Variants in CNTN5 observed in about 807,000 individuals in gnomAD.
CNTN5 encodes the protein contactin 5.
Under a neutral mutation model 129.1 loss-of-function variants are expected in CNTN5, and 77 were observed. The ratio of observed to expected loss-of-function variants is 0.60; its 90% CI spans 0.50 to 0.72. CNTN5 has a LOEUF of 0.72. Ranked by LOEUF, CNTN5 falls within the 30% of genes least tolerant of loss-of-function variation. The pLI, the probability that CNTN5 is intolerant of heterozygous loss-of-function variation, is 0.00. For missense variants in CNTN5, 1,478 were observed against 1,328.8 expected (o/e 1.11, Z -1.75); for synonymous variants, 509 against 465.6 (o/e 1.09, Z -1.20).
At chr11:100,223,127 AG>A (rs1949299808) in intron 15 of CNTN5, among the ~76,000 whole-genome samples, 1 of 152,186 alleles carries the variant, frequency 6.6e-6, no homozygotes, top group Non-Finnish European at 1.5e-5. Flanking sequence ...AGAAATTAGC[AG>A]TGTAGGACAT....
chr11:100,048,728 CGT>C (rs1942812208), intron 9 of CNTN5, among the ~76,000 whole-genome samples: 1 of 151,400 alleles, frequency 6.6e-6, no homozygotes, highest in Admixed American at 6.6e-5. Flanking sequence ...AGCTACATAA[CGT>C]ATATCAAGGT....
At chr11:99,660,718 T>C (rs951771024) in intron 3 of CNTN5, among the ~76,000 whole-genome samples, 2 of 152,126 alleles carry the variant, frequency 1.3e-5, no homozygotes, top group African/African-American at 4.8e-5. Flanking sequence ...ATTGTTCCAA[T>C]GTAACATATT....
At chr11:99,494,782 G>A (rs1946163777) in intron 2 of CNTN5, among the ~76,000 whole-genome samples, 1 of 152,118 alleles carries the variant, frequency 6.6e-6, no homozygotes, top group Non-Finnish European at 1.5e-5. Flanking sequence ...TGATTTTCCA[G>A]TGCTGTATAA....
chr11:99,525,039 G>A (rs1035916743), intron 2 of CNTN5, among the ~76,000 whole-genome samples: 10 of 151,988 alleles, frequency 6.6e-5, no homozygotes, highest in African/African-American at 1.9e-4. Flanking sequence ...AGAACTATTA[G>A]TTATGCCTCA....
intron 1 of CNTN5, among the ~76,000 whole-genome samples, chr11:99,223,191 C>A (rs1444623117): frequency 6.6e-6 from 1 of 152,148 alleles, no homozygotes; most frequent in Non-Finnish European, 1.5e-5. Context: ...CTATTCTGTT[C>A]TATCCTGTCC....
At chr11:100,130,990 A>T (rs1195618271) in intron 13 of CNTN5, among the ~76,000 whole-genome samples, 1 of 152,164 alleles carries the variant, frequency 6.6e-6, no homozygotes, top group Non-Finnish European at 1.5e-5. Flanking sequence ...GTTATGTAAC[A>T]TTGGTATCAA....
intron 2 of CNTN5, among the ~76,000 whole-genome samples, chr11:99,355,720 T>C (rs1270172492): frequency 3.3e-5 from 5 of 152,150 alleles, no homozygotes; most frequent in African/African-American, 7.2e-5. Flanking sequence ...AAGTCTCCTA[T>C]GTTATGGGTG....
intron 18 of CNTN5, among the ~76,000 whole-genome samples, chr11:100,293,018 A>G (rs2138868857): frequency 6.6e-6 from 1 of 152,034 alleles, no homozygotes; most frequent in Middle Eastern, 3.4e-3. Flanking sequence ...AAAATTATGG[A>G]AGAGACACAA....
intron 20 of CNTN5, among the ~76,000 whole-genome samples, chr11:100,303,502 A>G (rs1429883147): frequency 4.6e-5 from 7 of 151,640 alleles, no homozygotes; most frequent in Admixed American, 1.3e-4. Flanking sequence ...TAAACCTAAT[A>G]GAAAAACAGA....
chr11:99,422,404 C>T (rs1021556981), intron 2 of CNTN5, among the ~76,000 whole-genome samples: 2 of 150,644 alleles, frequency 1.3e-5, no homozygotes, highest in African/African-American at 2.4e-5. Context: ...TCAGGGGAAT[C>T]GTTTAGGTAC....
At chr11:99,784,211 G>C (rs982881733) in intron 3 of CNTN5, among the ~76,000 whole-genome samples, 7 of 151,920 alleles carry the variant, frequency 4.6e-5, no homozygotes, top group Admixed American at 1.3e-4. Context: ...TTGTTACTTA[G>C]GTATACATGT....
At chr11:99,150,106 CTT>C (rs1321710486) in intron 1 of CNTN5, among the ~76,000 whole-genome samples, 1 of 151,960 alleles carries the variant, frequency 6.6e-6, no homozygotes, top group Non-Finnish European at 1.5e-5. Flanking sequence ...TTATTAAAAA[CTT>C]TGTTTGAAAT....
chr11:99,148,880 A>C (rs1859913163), intron 1 of CNTN5, among the ~76,000 whole-genome samples: 1 of 152,098 alleles, frequency 6.6e-6, no homozygotes, highest in Non-Finnish European at 1.5e-5. Flanking sequence ...TTTAATATAA[A>C]ATTATGTTTT....
At chr11:99,418,858 C>T (rs190291490) in intron 2 of CNTN5, among the ~76,000 whole-genome samples, 38 of 152,260 alleles carry the variant, frequency 2.5e-4, no homozygotes, top group African/African-American at 7.7e-4. Context: ...TTATGTCATA[C>T]AAGCCTTTTA....
chr11:99,343,898 T>G (rs1404455865), intron 2 of CNTN5, among the ~76,000 whole-genome samples: 1 of 152,090 alleles, frequency 6.6e-6, no homozygotes, highest in African/African-American at 2.4e-5. Context: ...AAAAAAAAAT[T>G]TACAGACGCT....
chr11:99,823,358 T>G (rs1946858013), intron 4 of CNTN5, among the ~76,000 whole-genome samples: 1 of 152,208 alleles, frequency 6.6e-6, no homozygotes, highest in South Asian at 2.1e-4. Context: ...CTCAACAGGT[T>G]GGTATTCTTT....
At chr11:99,457,494 A>T (rs1944538758) in intron 2 of CNTN5, among the ~76,000 whole-genome samples, 1 of 151,906 alleles carries the variant, frequency 6.6e-6, no homozygotes, top group Non-Finnish European at 1.5e-5. Context: ...CAGTACTTGG[A>T]GAGAAAAACA....
intron 1 of CNTN5, among the ~76,000 whole-genome samples, chr11:99,097,082 C>T (rs370913294): frequency 4.5e-4 from 67 of 149,818 alleles, no homozygotes; most frequent in African/African-American, 1.6e-3. Flanking sequence ...AAACATTATT[C>T]AATCTACACT....
At chr11:99,234,157 T>C (rs1170793005) in intron 1 of CNTN5, among the ~76,000 whole-genome samples, 1 of 152,094 alleles carries the variant, frequency 6.6e-6, no homozygotes, top group Admixed American at 6.6e-5. Flanking sequence ...TTTGTGAACT[T>C]TGAGATATTC....
Sources: gnomAD v4.1 joint callset for allele counts (sites outside exome capture counted in the v4.1 genomes callset) on GRCh38, gnomAD v4.1.1 for gene constraint, MANE v1.5 for transcripts, NCBI Gene and HGNC (gene_info 2026-07-23, HGNC 2026-07-21) for gene names.